The following MOBP variants were observed in gnomAD, a reference collection of about 807,000 sequenced individuals.
MOBP encodes myelin associated oligodendrocyte basic protein.
Under a neutral mutation model 15.0 loss-of-function variants are expected in MOBP, and 5 were observed. That is an observed-to-expected ratio of 0.33 (90% CI 0.17 to 0.70). MOBP has a LOEUF of 0.70. Ranked by LOEUF, MOBP falls within the 30% of genes least tolerant of loss-of-function variation. The probability of loss-of-function intolerance (pLI) is 0.67; values close to 1 mark genes in which losing one functional copy is unlikely to be tolerated. For synonymous variants in MOBP, 88 were observed against 99.0 expected (o/e 0.89, Z 0.66); for missense variants, 188 against 257.8 (o/e 0.73, Z 1.85).
At chr3:39,494,526 T>TG (rs1325779406) in intron 2 of MOBP, among the ~76,000 whole-genome samples, 1 of 152,030 alleles carries the variant, frequency 6.6e-6, no homozygotes, top group East Asian at 1.9e-4. Context: ...TGCAATTAGG[T>TG]GGTATCTTTT....
At chr3:39,500,890 A>G (rs965235208) in intron 2 of MOBP, among the ~76,000 whole-genome samples, 17 of 152,236 alleles carry the variant, frequency 1.1e-4, no homozygotes, top group African/African-American at 3.6e-4. Flanking sequence ...CTATTTTTGC[A>G]TGATAAAATC....
chr3:39,512,301 G>A (rs190785615), intron 4 of MOBP, among the ~76,000 whole-genome samples: 99 of 152,260 alleles, frequency 6.5e-4, no homozygotes, highest in Admixed American at 1.0e-3. Flanking sequence ...GTGGGCCTCC[G>A]TGCTAGTCTC....
intron 2 of MOBP, among the ~76,000 whole-genome samples, chr3:39,490,898 C>T (rs1440447625): frequency 6.6e-6 from 1 of 152,048 alleles, no homozygotes; most frequent in African/African-American, 2.4e-5. Flanking sequence ...TTTGAAGGCA[C>T]AGGGGGTGAT....
chr3:39,511,196 G>A (rs926513771), intron 4 of MOBP, among the ~76,000 whole-genome samples: 1 of 152,192 alleles, frequency 6.6e-6, no homozygotes, highest in Non-Finnish European at 1.5e-5. Context: ...GATTTACAAG[G>A]TGGATTCAAT....
chr3:39,494,268 G>A (rs1022048597), intron 2 of MOBP, among the ~76,000 whole-genome samples: 11 of 152,110 alleles, frequency 7.2e-5, no homozygotes, highest in Admixed American at 2.0e-4. Flanking sequence ...GGGTTGTTTG[G>A]GGAATTACAA....
intron 1 of MOBP, among the ~76,000 whole-genome samples, chr3:39,477,402 T>C (rs1478908873): frequency 6.6e-6 from 1 of 151,736 alleles, no homozygotes; most frequent in African/African-American, 2.4e-5. Flanking sequence ...ATGGCTGTCA[T>C]AACATCATAG....
chr3:39,495,750 C>G (rs77331100), intron 2 of MOBP, among the ~76,000 whole-genome samples: 1 of 60,190 alleles, frequency 1.7e-5, no homozygotes, highest in East Asian at 5.4e-4. Flanking sequence ...GAGACCTTGT[C>G]AAAAAAAAAA....
chr3:39,500,440 T>C (rs993331922), intron 2 of MOBP, among the ~76,000 whole-genome samples: 8 of 152,174 alleles, frequency 5.3e-5, no homozygotes, highest in Admixed American at 2.6e-4. Context: ...GATGAGCCTA[T>C]AAGGGAAATG....
At chr3:39,472,135 G>A (rs1326450198) in intron 1 of MOBP, among the ~76,000 whole-genome samples, 1 of 152,218 alleles carries the variant, frequency 6.6e-6, no homozygotes, top group Non-Finnish European at 1.5e-5. Context: ...TTTTATCATT[G>A]TGGAGATAGA....
downstream of MOBP, among the ~76,000 whole-genome samples, chr3:39,504,218 T>C (rs967164861): frequency 3.9e-5 from 6 of 152,242 alleles, no homozygotes; most frequent in African/African-American, 1.4e-4. Flanking sequence ...AGTCATTAAC[T>C]GAGTCCCTCT....
At chr3:39,526,633 T>G (rs940127790), downstream of MOBP, 10 of 152,186 alleles carry the variant, frequency 6.6e-5, no homozygotes, top group African/African-American at 2.4e-4. Context: ...ATGTTTTGAC[T>G]GGTTTTGGGA....
chr3:39,469,488 T>C (rs887576320), intron 1 of MOBP, among the ~76,000 whole-genome samples: 3 of 152,040 alleles, frequency 2.0e-5, no homozygotes, highest in Non-Finnish European at 4.4e-5. Context: ...AATCTAGAGA[T>C]ATCTAGATTT....
chr3:39,498,924 G>A (rs482495), intron 2 of MOBP, among the ~76,000 whole-genome samples: 41,994 of 152,022 alleles, frequency 0.28, 6,951 homozygotes, highest in African/African-American at 0.46. Context: ...GCAGTGAGTG[G>A]GATTTGAGAA....
intron 2 of MOBP, among the ~76,000 whole-genome samples, chr3:39,487,072 C>G (rs1197717503): frequency 2.0e-5 from 3 of 151,026 alleles, no homozygotes; most frequent in Admixed American, 2.0e-4. Flanking sequence ...TTCTGAGTAG[C>G]TGGGACTATA....
rs978788282 is a variant in MOBP at position 39,502,322 on chromosome 3, G to A, written c.206+47G>A. 7 of 1,610,520 alleles carry A rather than the reference G, an allele frequency of 4.3e-6. No individual in the cohort carries two copies. In the African/African-American group the frequency reaches 9.4e-5, roughly 22 times the overall value. On this transcript the variant is annotated intron_variant, in intron 3 of 3. Coordinates refer to ENST00000684792, the MANE Select transcript of MOBP (RefSeq NM_001393704.1). The surrounding 1 kb of genome is among the most constrained non-coding windows in gnomAD (Gnocchi z 6.3). ...CGGCACCAGTTGGGCACAGCGCGTG[G>A]TCTCGGCTCCCAGCACGCCCCTCCC...
intron 2 of MOBP, among the ~76,000 whole-genome samples, chr3:39,495,761 AAAAAAAG>A (rs1483044500): frequency 2.0e-5 from 3 of 150,900 alleles, no homozygotes; most frequent in Non-Finnish European, 4.4e-5. Context: ...AAAAAAAAAA[AAAAAAAG>A]AAAAGAAAGA....
exon 5 of MOBP, chr3:39,513,642 C>T: frequency 1.8e-6 from 1 of 556,384 alleles, no homozygotes; most frequent in South Asian, 2.7e-5. Flanking sequence ...GTACTCCAGT[C>T]AGGGGGTTCC....
At chr3:39,471,328 A>T (rs2125621249) in intron 1 of MOBP, among the ~76,000 whole-genome samples, 1 of 152,056 alleles carries the variant, frequency 6.6e-6, no homozygotes, top group East Asian at 1.9e-4. Context: ...ACGGGGTTTC[A>T]CCATGTTAGC....
At chr3:39,513,231 C>A in intron 4 of MOBP, 1 of 578,476 alleles carries the variant, frequency 1.7e-6, no homozygotes, top group African/African-American at 1.9e-5. Context: ...CCAGAGACTA[C>A]CAGAATTAAG....
Sources: allele counts gnomAD v4.1 joint callset (sites outside exome capture counted in the v4.1 genomes callset), GRCh38; gene constraint gnomAD v4.1.1; non-coding constraint Gnocchi (gnomAD v3.1); transcripts MANE v1.5; gene names NCBI Gene and HGNC (gene_info 2026-07-23, HGNC 2026-07-21).